PSD3: variants seen among roughly 807,000 people sequenced by gnomAD.
The protein encoded by PSD3 is PH and SEC7 domain-containing protein 3.
Under a neutral mutation model 105.5 loss-of-function variants are expected in PSD3, and 49 were observed. That is an observed-to-expected ratio of 0.46 (90% CI 0.37 to 0.59). PSD3 has a LOEUF of 0.59. Among genes scored for constraint, PSD3 ranks in the 20% least tolerant of loss-of-function variants. The pLI is 0.00. For synonymous variants in PSD3, 557 were observed against 457.8 expected (o/e 1.22, Z -2.77); for missense variants, 1,561 against 1,263.8 (o/e 1.24, Z -3.57).
intron 9 of PSD3, among the ~76,000 whole-genome samples, chr8:18,685,654 T>C (rs1054813887): frequency 1.2e-4 from 18 of 152,206 alleles, no homozygotes; most frequent in African/African-American, 4.1e-4. Context: ...AGAAAAATTC[T>C]GTAAAGTTAC....
chr8:19,005,530 G>C (rs1826632333), intron 1 of PSD3, among the ~76,000 whole-genome samples: 1 of 151,926 alleles, frequency 6.6e-6, no homozygotes, highest in South Asian at 2.1e-4. Flanking sequence ...ACTCAGACTA[G>C]AGCACAGCGA....
chr8:18,635,892 G>A (rs1024019547), intron 10 of PSD3, among the ~76,000 whole-genome samples: 1 of 150,216 alleles, frequency 6.7e-6, no homozygotes, highest in African/African-American at 2.5e-5. Flanking sequence ...TGGGGGTGGG[G>A]TGGAGGGCAA....
intron 2 of PSD3, among the ~76,000 whole-genome samples, chr8:18,933,283 C>A (rs1268226995): frequency 6.6e-6 from 1 of 151,748 alleles, no homozygotes; most frequent in Non-Finnish European, 1.5e-5. Context: ...TCAAAACCCA[C>A]GAGTAAGGAA....
chr8:19,003,492 A>G, intron 1 of PSD3, among the ~76,000 whole-genome samples: 1 of 152,018 alleles, frequency 6.6e-6, no homozygotes, highest in African/African-American at 2.4e-5. Flanking sequence ...TAAAACAAGC[A>G]AAGTGTAGAG....
intron 12 of PSD3, among the ~76,000 whole-genome samples, chr8:18,595,889 G>A (rs1804058732): frequency 1.3e-5 from 2 of 151,880 alleles, no homozygotes; most frequent in African/African-American, 4.8e-5. Flanking sequence ...CTTCAAAAAT[G>A]CAATACACCA....
intron 1 of PSD3, among the ~76,000 whole-genome samples, chr8:19,030,401 A>G (rs951762824): frequency 6.6e-6 from 1 of 152,178 alleles, no homozygotes; most frequent in Non-Finnish European, 1.5e-5. Context: ...GTTGAATTGT[A>G]ATCCCCAGCA....
chr8:18,594,243 T>TATATTATATA (rs1803874423), intron 12 of PSD3, among the ~76,000 whole-genome samples: 1 of 5,506 alleles, frequency 1.8e-4, no homozygotes, highest in Non-Finnish European at 4.4e-4. Flanking sequence ...TATATATTAT[T>TATATTATATA]ATATATATTA....
intron 1 of PSD3, among the ~76,000 whole-genome samples, chr8:18,983,931 A>G (rs1165870982): frequency 6.6e-6 from 1 of 151,890 alleles, no homozygotes; most frequent in African/African-American, 2.4e-5. Context: ...TGAGCCCAAA[A>G]AAGTTCAAGA....
chr8:18,730,900 C>T (rs1803698449), intron 9 of PSD3, among the ~76,000 whole-genome samples: 2 of 151,554 alleles, frequency 1.3e-5, no homozygotes, highest in Non-Finnish European at 2.9e-5. Context: ...GGCAAGATGG[C>T]TACCAAAAAA....
At chr8:18,669,993 A>C (rs1799686969) in intron 9 of PSD3, among the ~76,000 whole-genome samples, 1 of 152,158 alleles carries the variant, frequency 6.6e-6, no homozygotes, top group African/African-American at 2.4e-5. Flanking sequence ...CTTAGATTTG[A>C]GTGGGGTGGA....
At chr8:18,653,982 T>C (rs1808708788) in intron 10 of PSD3, among the ~76,000 whole-genome samples, 1 of 152,168 alleles carries the variant, frequency 6.6e-6, no homozygotes, top group African/African-American at 2.4e-5. Context: ...TTCACAAAAT[T>C]TTCCTATGAA....
At chr8:18,970,513 A>G (rs374432523) in intron 1 of PSD3, among the ~76,000 whole-genome samples, 3 of 152,110 alleles carry the variant, frequency 2.0e-5, no homozygotes, top group Admixed American at 2.0e-4. Context: ...ACAATCAGAC[A>G]TAGTTTCACC....
chr8:18,778,739 T>C (rs1319280609), intron 8 of PSD3, among the ~76,000 whole-genome samples: 1 of 152,008 alleles, frequency 6.6e-6, no homozygotes, highest in Non-Finnish European at 1.5e-5. Context: ...ATTTTTGACC[T>C]TTTTGTGACG....
Position 18,872,361 on chromosome 8 carries a change from T to G in PSD3, c.503A>C (p.Gln168Pro), listed in dbSNP as rs1467901826. ...QDAVSSFSVQ[Q>P]VEKELDTASR... Reference sequence around the variant, plus strand: ...GGCAGTGTCCAGCTCTTTTTCCACCTGCTGAACTGAAAAACTAGAAACAGC... The same window carrying G: ...GGCAGTGTCCAGCTCTTTTTCCACCGGCTGAACTGAAAAACTAGAAACAGC... The change falls in exon 3 of 16, where the codon CAG becomes CCG. Residue 168 changes from glutamine to proline, a missense_variant. By Grantham distance (76) the Gln-to-Pro change is moderately conservative. Transcript: ENST00000327040. 6.2e-7 allele frequency: 1 copy of G among 1,614,224 alleles called. No individual in the cohort carries two copies.
In PSD3 at chr8:18,996,930, G is replaced by T. The variant is rs538820501; in HGVS notation, c.21+16633C>A. On this transcript the variant is annotated intron_variant, in intron 1 of 15. Coordinates refer to ENST00000327040, the MANE Select transcript of PSD3 (RefSeq NM_015310.4). ...TGCCCCTCATTTTACTTTACTTCCC[G>T]GGAGAATCTGACTCATCTTGCTTGA... Among the ~76,000 whole-genome samples, 80 of 151,754 alleles carry T rather than the reference G, an allele frequency of 5.3e-4. 1 individual carries two copies. The highest frequency in any genetic ancestry group is 1.2e-3 in the African/African-American group (50 of 41,358).
At chr8:18,612,986 T>C (rs1805377095) in intron 11 of PSD3, among the ~76,000 whole-genome samples, 1 of 149,616 alleles carries the variant, frequency 6.7e-6, no homozygotes, top group Non-Finnish European at 1.5e-5. Flanking sequence ...AGGAAGAATT[T>C]ACATGGCTTG....
intron 14 of PSD3, among the ~76,000 whole-genome samples, chr8:18,562,965 T>C (rs1462985579): frequency 6.6e-6 from 1 of 152,010 alleles, no homozygotes; most frequent in Admixed American, 6.6e-5. Context: ...CAAACCTATG[T>C]TACTCTAGAT....
chr8:18,629,685 A>G (rs1369640375), intron 11 of PSD3, among the ~76,000 whole-genome samples: 1 of 152,010 alleles, frequency 6.6e-6, no homozygotes, highest in Non-Finnish European at 1.5e-5. Flanking sequence ...ATCATCTGTC[A>G]TAACCGTCAT....
chr8:18,723,180 C>G (rs1455250259), intron 9 of PSD3, among the ~76,000 whole-genome samples: 1 of 152,142 alleles, frequency 6.6e-6, no homozygotes, highest in East Asian at 1.9e-4. Flanking sequence ...AGTGCATGAA[C>G]CCAGGAGCAC....
Sources: allele counts gnomAD v4.1 joint callset (sites outside exome capture counted in the v4.1 genomes callset), GRCh38; gene constraint gnomAD v4.1.1; transcripts MANE v1.5; gene names NCBI Gene and HGNC (gene_info 2026-07-23, HGNC 2026-07-21).